Variants in KIF6 observed in about 807,000 individuals in gnomAD.
KIF6 encodes kinesin-like protein KIF6.
In KIF6, 106 loss-of-function variants were observed where a neutral mutation model predicts 112.7. The ratio of observed to expected loss-of-function variants is 0.94; its 90% CI spans 0.80 to 1.11. KIF6 has a LOEUF of 1.11. Ranked by LOEUF, KIF6 falls within the 50% of genes least tolerant of loss-of-function variation. The pLI is 0.00. For synonymous variants in KIF6, 339 were observed against 339.9 expected (o/e 1.00, Z 0.03); for missense variants, 929 against 964.0 (o/e 0.96, Z 0.48).
chr6:39,422,200 C>T (rs1770422805), intron 14 of KIF6, among the ~76,000 whole-genome samples: 1 of 152,188 alleles, frequency 6.6e-6, no homozygotes, highest in Admixed American at 6.5e-5. Flanking sequence ...AAAAGGAAGA[C>T]AACATAAGCA....
Position 39,360,398 on chromosome 6 carries a change from C to A in KIF6, c.2079G>T (p.Leu693=). The change falls in exon 18 of 23, where the codon CTG becomes CTT. Residue 693 remains leucine, a synonymous_variant. Coordinates refer to ENST00000287152, the MANE Select transcript of KIF6 (RefSeq NM_145027.6). ...CCTGATGTTCCCCAGGCCATACCTG[C>A]AGGTTGGTGGCCTCCTCTGCCCACC... is the stretch of plus-strand genomic sequence containing the variant. ...EVWWAEEATN[L]QVNSPAVNSL... is the part of the protein sequence containing the mutation. The A allele has an allele frequency of 6.2e-7, 1 of 1,614,156 alleles. No individual in the cohort carries two copies. The highest frequency in any genetic ancestry group is 8.5e-7 in the Non-Finnish European group (1 of 1,179,996).
intron 13 of KIF6, among the ~76,000 whole-genome samples, chr6:39,519,747 G>A (rs899225722): frequency 4.3e-5 from 4 of 93,952 alleles, no homozygotes; most frequent in Non-Finnish European, 8.0e-5. Context: ...CCAGCCGGGC[G>A]CCGCGGCTCA....
At position 39,382,199 on chromosome 6, in the gene KIF6, T is replaced by C. The variant is rs115029421; in HGVS notation, c.1861+3423A>G. Among the ~76,000 whole-genome samples the C allele has an allele frequency of 5.7e-3, 873 of 152,336 alleles. 12 individuals are homozygous for C. Among genetic ancestry groups the C allele is most frequent in the African/African-American group, 0.02 (813 of 41,578 alleles). The stretch of plus-strand genomic sequence containing the variant: ...TTTAAATTTTAGATTCAGAGGTACA[T>C]GTGCAGGTTTATTACAAGGGTATAT... On this transcript the variant is annotated intron_variant, in intron 16 of 22. Coordinates refer to ENST00000287152, the MANE Select transcript of KIF6 (RefSeq NM_145027.6).
chr6:39,497,655 C>T (rs1421104186), intron 13 of KIF6, among the ~76,000 whole-genome samples: 3 of 152,164 alleles, frequency 2.0e-5, no homozygotes, highest in African/African-American at 7.2e-5. Flanking sequence ...CCATGAGGTT[C>T]GATGGGGCCA....
chr6:39,671,169 A>T (rs956695869), intron 3 of KIF6, among the ~76,000 whole-genome samples: 1 of 152,236 alleles, frequency 6.6e-6, no homozygotes, highest in African/African-American at 2.4e-5. Flanking sequence ...GAGAAAGCCA[A>T]AAAGGAAGAG....
intron 10 of KIF6, among the ~76,000 whole-genome samples, chr6:39,564,166 T>C (rs1303202358): frequency 2.6e-5 from 4 of 152,342 alleles, no homozygotes; most frequent in African/African-American, 9.6e-5. Flanking sequence ...TGAGAAGCTC[T>C]AATAGCAGGA....
At chr6:39,555,945 C>G (rs550814698) in intron 10 of KIF6, among the ~76,000 whole-genome samples, 13 of 118,008 alleles carry the variant, frequency 1.1e-4, no homozygotes, top group Non-Finnish European at 1.9e-4. Context: ...CAGAGTGAGA[C>G]GCTGTCTCAA....
chr6:39,692,412 A>G (rs1254654910), intron 3 of KIF6, among the ~76,000 whole-genome samples: 1 of 152,230 alleles, frequency 6.6e-6, no homozygotes, highest in African/African-American at 2.4e-5. Context: ...AACTTTCCCC[A>G]AAGTAAATAT....
chr6:39,665,529 G>A (rs1017820885), intron 3 of KIF6, among the ~76,000 whole-genome samples: 7 of 151,958 alleles, frequency 4.6e-5, no homozygotes, highest in South Asian at 4.1e-4. Context: ...AAATAATGCC[G>A]ACAATTTTAA....
At chr6:39,464,068 G>C (rs1773644385) in intron 13 of KIF6, among the ~76,000 whole-genome samples, 1 of 152,202 alleles carries the variant, frequency 6.6e-6, no homozygotes, top group Non-Finnish European at 1.5e-5. Context: ...GTTATGGTCT[G>C]ATAGACTGGC....
chr6:39,545,418 C>T (rs1779017436), intron 11 of KIF6, among the ~76,000 whole-genome samples, 165 bp downstream of exon 11: 1 of 152,196 alleles, frequency 6.6e-6, no homozygotes, highest in Admixed American at 6.5e-5. Context: ...GATACAATCT[C>T]TGAAGAAACT....
chr6:39,589,836 TTTCTGACTTTTCTTGAGA>T (rs1781836307), intron 7 of KIF6, among the ~76,000 whole-genome samples: 1 of 152,216 alleles, frequency 6.6e-6, no homozygotes, highest in Admixed American at 6.5e-5. Context: ...CAAACCCAGT[TTTCTGACTTTTCTTGAGA>T]TTCTTTATGT....
intron 10 of KIF6, among the ~76,000 whole-genome samples, chr6:39,573,434 T>C (rs1780753308): frequency 6.6e-6 from 1 of 152,220 alleles, no homozygotes; most frequent in Admixed American, 6.5e-5. Context: ...TAGGTAATTA[T>C]GGGAAACATA....
intron 13 of KIF6, among the ~76,000 whole-genome samples, chr6:39,507,037 T>C (rs1198767446): frequency 6.6e-6 from 1 of 152,188 alleles, no homozygotes; most frequent in Non-Finnish European, 1.5e-5. Context: ...AAGTAACTTC[T>C]TGAGTTCTGT....
At chr6:39,633,621 C>G (rs1784466135) in intron 5 of KIF6, among the ~76,000 whole-genome samples, 1 of 152,172 alleles carries the variant, frequency 6.6e-6, no homozygotes. Context: ...TAGAAAAGAG[C>G]AAGCTTGAGA....
At chr6:39,380,539 G>A (rs1766840749) in intron 16 of KIF6, among the ~76,000 whole-genome samples, 1 of 152,084 alleles carries the variant, frequency 6.6e-6, no homozygotes, top group African/African-American at 2.4e-5. Context: ...AGTCACGCGT[G>A]TGTGCACATG....
chr6:39,526,120 T>G (rs567570920), intron 13 of KIF6, among the ~76,000 whole-genome samples: 35 of 152,338 alleles, frequency 2.3e-4, no homozygotes, highest in African/African-American at 8.4e-4. Flanking sequence ...TTCTAGTCAT[T>G]TCCCTGCTGT....
chr6:39,502,374 T>TA lies in KIF6; in HGVS notation c.1645+37628dup, dbSNP rs201244949. On this transcript the variant is annotated intron_variant, in intron 13 of 22. Transcript: ENST00000287152. Reference sequence around the variant, plus strand: ...GAAAGGAAAAACCATTACCAGCCACTAAAAAAAACACACACACACTGAAGT... The same window carrying TA: ...GAAAGGAAAAACCATTACCAGCCACTAAAAAAAAACACACACACACTGAAGT... Among the ~76,000 whole-genome samples the TA allele has an allele frequency of 7.2e-3, 1,083 of 150,762 alleles. 11 individuals are homozygous for TA. The highest frequency in any genetic ancestry group is 0.024 in the African/African-American group (987 of 40,994).
In KIF6 at chr6:39,330,313, A is replaced by G. The variant is rs2113864753; in HGVS notation, c.*6219T>C. 6.6e-6 allele frequency: 1 copy of G among 152,422 alleles called. No homozygotes were observed. Among genetic ancestry groups the G allele is most frequent in the East Asian group, 1.9e-4 (1 of 5,186 alleles). The allele number at this position is 152,422 out of a possible 1,614,324, so 9.4% of individuals were successfully genotyped here. ...GAACTGAGACCCACATGAGGCCTGGACTATGTTAGGGGTGGCCTGCATGGA... is the reference window on the plus strand; with the variant it reads ...GAACTGAGACCCACATGAGGCCTGGGCTATGTTAGGGGTGGCCTGCATGGA... On this transcript the variant is annotated 3_prime_UTR_variant, in exon 23 of 23. Coordinates refer to ENST00000287152, the MANE Select transcript of KIF6 (RefSeq NM_145027.6).
Sources: gnomAD v4.1 joint callset for allele counts (sites outside exome capture counted in the v4.1 genomes callset) on GRCh38, gnomAD v4.1.1 for gene constraint, MANE v1.5 for transcripts, NCBI Gene and HGNC (gene_info 2026-07-23, HGNC 2026-07-21) for gene names.